Variants in ARHGAP19 observed in about 807,000 individuals in gnomAD.
ARHGAP19 encodes the protein Rho GTPase activating protein 19.
In ARHGAP19, 48 loss-of-function variants were observed where a neutral mutation model predicts 60.9. The observed-to-expected ratio is 0.79, with a 90% CI of 0.62 to 1.00. The LOEUF (loss-of-function observed/expected upper bound fraction) is 1.00, where lower values mean the gene tolerates loss of function less well. Ranked by LOEUF, ARHGAP19 falls within the 50% of genes least tolerant of loss-of-function variation. The pLI, the probability that ARHGAP19 is intolerant of heterozygous loss-of-function variation, is 0.00. For synonymous variants in ARHGAP19, 209 were observed against 215.5 expected (o/e 0.97, Z 0.27); for missense variants, 562 against 597.2 (o/e 0.94, Z 0.61).
chr10:97,269,038 G>T (rs11189088), intron 1 of ARHGAP19, among the ~76,000 whole-genome samples: 4,210 of 152,188 alleles, frequency 0.028, 184 homozygotes, highest in African/African-American at 0.092. Flanking sequence ...GGGCAGAATT[G>T]AAATTCACCT....
At chr10:97,284,786 T>C (rs1843131670) in intron 1 of ARHGAP19, among the ~76,000 whole-genome samples, 1 of 147,760 alleles carries the variant, frequency 6.8e-6, no homozygotes, top group Non-Finnish European at 1.5e-5. Context: ...GGATTACAGA[T>C]GAGAGCCACC....
chr10:97,236,543 C>T (rs2134821793), intron 8 of ARHGAP19, among the ~76,000 whole-genome samples: 1 of 152,148 alleles, frequency 6.6e-6, no homozygotes, highest in South Asian at 2.1e-4. Flanking sequence ...TCTCTCATAT[C>T]CAACTCAAGG....
chr10:97,258,755 C>G (rs1384833033), intron 5 of ARHGAP19: 4 of 152,498 alleles, frequency 2.6e-5, no homozygotes, highest in Non-Finnish European at 4.4e-5. Context: ...AAACGAGACC[C>G]TGTCTCAAAA....
intron 1 of ARHGAP19, among the ~76,000 whole-genome samples, chr10:97,282,740 T>C (rs576425050): frequency 6.6e-6 from 1 of 152,246 alleles, no homozygotes; most frequent in South Asian, 2.1e-4. Context: ...AGAGATCTCT[T>C]TACTTCTTAC....
intron 4 of ARHGAP19, among the ~76,000 whole-genome samples, chr10:97,260,813 G>C (rs1213626128): frequency 6.6e-6 from 1 of 151,588 alleles, no homozygotes; most frequent in Non-Finnish European, 1.5e-5. Context: ...ACATATCCAA[G>C]TCAGGCACAG....
intron 6 of ARHGAP19, among the ~76,000 whole-genome samples, chr10:97,251,163 A>AG (rs1842641175): frequency 1.1e-5 from 1 of 91,196 alleles, no homozygotes; most frequent in African/African-American, 4.3e-5. Context: ...GCCAAGGGGA[A>AG]GGGAAGGGGA....
At chr10:97,236,125 G>A (rs977042743) in intron 8 of ARHGAP19, among the ~76,000 whole-genome samples, 17 of 152,036 alleles carry the variant, frequency 1.1e-4, no homozygotes, top group Admixed American at 3.3e-4. Flanking sequence ...ACAGGCGTGC[G>A]CCACCACACC....
At chr10:97,292,200 C>A (rs1843244459) in intron 1 of ARHGAP19, among the ~76,000 whole-genome samples, 1 of 152,210 alleles carries the variant, frequency 6.6e-6, no homozygotes, top group South Asian at 2.1e-4. Context: ...CACAAAGTGC[C>A]TCGGAGAAGA....
intron 1 of ARHGAP19, among the ~76,000 whole-genome samples, chr10:97,287,611 C>T (rs1040916273): frequency 6.6e-6 from 1 of 152,006 alleles, no homozygotes; most frequent in Admixed American, 6.6e-5. Flanking sequence ...AGTGTGGTGG[C>T]GCATGCCTGT....
At chr10:97,239,949 G>C (rs537472056) in intron 8 of ARHGAP19, among the ~76,000 whole-genome samples, 90 of 151,680 alleles carry the variant, frequency 5.9e-4, no homozygotes, top group African/African-American at 2.2e-3. Flanking sequence ...TCAGGTGACC[G>C]GCCTGCCTCA....
chr10:97,241,106 G>A (rs2487273), intron 8 of ARHGAP19, among the ~76,000 whole-genome samples: 133,253 of 152,052 alleles, frequency 0.88, 59,530 homozygotes, highest in Non-Finnish European at 0.97. Flanking sequence ...GGATCATTTG[G>A]GGTCAGGAGT....
chr10:97,270,524 A>T, intron 1 of ARHGAP19: 2 of 1,150,088 alleles, frequency 1.7e-6, no homozygotes, highest in South Asian at 1.5e-5. Context: ...TACTATATTT[A>T]AGCAAAAACA....
chr10:97,235,868 T>C (rs373700995), intron 8 of ARHGAP19, among the ~76,000 whole-genome samples: 150 of 152,296 alleles, frequency 9.8e-4, no homozygotes, highest in African/African-American at 3.4e-3. Context: ...ACCCAATGCA[T>C]TGAATAATCT....
At chr10:97,239,604 C>A in intron 8 of ARHGAP19, among the ~76,000 whole-genome samples, 1 of 110,570 alleles carries the variant, frequency 9.0e-6, no homozygotes, top group Admixed American at 9.0e-5. Flanking sequence ...GTGTGTGTGT[C>A]TAAATGTAGT....
In ARHGAP19 at chr10:97,229,768, T is replaced by C; in HGVS notation, c.1391A>G (p.Asn464Ser). ...GTCCAAAGAACAGTGTCTTACTAAG[T>C]TCCTATTTTCTTTGCTGGTTCCCTT... ...ELKGTSKENR[N>S]LLFSGSPAVT... is the part of the protein sequence containing the mutation. The change falls in exon 10 of 12, where the codon AAC (asparagine) becomes AGC (serine). Residue 464 changes from asparagine to serine, a missense_variant. Asn to Ser is a conservative substitution (Grantham distance 46). Coordinates refer to ENST00000358531, the MANE Select transcript of ARHGAP19 (RefSeq NM_032900.6). 6.3e-7 allele frequency: 1 copy of C among 1,588,706 alleles called. No individual in the cohort carries two copies. The highest frequency in any genetic ancestry group is 8.6e-7 in the Non-Finnish European group (1 of 1,158,702).
intron 1 of ARHGAP19, among the ~76,000 whole-genome samples, chr10:97,268,002 T>C (rs1589374345): frequency 6.6e-6 from 1 of 152,252 alleles, no homozygotes; most frequent in Admixed American, 6.5e-5. Context: ...GCTGTCAGCT[T>C]GAATTTCTCT....
At chr10:97,279,698 TGCCCAGGTCTCAAATTCCTGG>T (rs548927186) in intron 1 of ARHGAP19, among the ~76,000 whole-genome samples, 5 of 152,258 alleles carry the variant, frequency 3.3e-5, no homozygotes, top group African/African-American at 9.6e-5. Context: ...CTTTCTACGT[TGCCCAGGTCTCAAATTCCTGG>T]GCCCAAGTGA....
intron 6 of ARHGAP19, among the ~76,000 whole-genome samples, chr10:97,250,510 A>C (rs1052840292): frequency 1.3e-5 from 2 of 151,664 alleles, no homozygotes; most frequent in African/African-American, 4.8e-5. Flanking sequence ...TCAGCCTCCA[A>C]GTAGCTGAGA....
At chr10:97,282,285 C>T (rs1044559742) in intron 1 of ARHGAP19, among the ~76,000 whole-genome samples, 10 of 152,148 alleles carry the variant, frequency 6.6e-5, no homozygotes, top group African/African-American at 1.4e-4. Context: ...AGACTGACAC[C>T]GTTGGTGGCC....
Sources: gnomAD v4.1 joint callset for allele counts (sites outside exome capture counted in the v4.1 genomes callset) on GRCh38, gnomAD v4.1.1 for gene constraint, MANE v1.5 for transcripts, NCBI Gene and HGNC (gene_info 2026-07-23, HGNC 2026-07-21) for gene names.